The following SNX17 variants were observed in gnomAD, a reference collection of about 807,000 sequenced individuals.
The protein encoded by SNX17 is sorting nexin 17, also known as sorting nexin-17.
A neutral mutation model predicts 64.3 loss-of-function variants in SNX17; 35 were observed. The observed-to-expected ratio is 0.54, with a 90% CI of 0.42 to 0.72. The LOEUF (loss-of-function observed/expected upper bound fraction) is 0.72, where lower values mean the gene tolerates loss of function less well. Ranked by LOEUF, SNX17 falls within the 30% of genes least tolerant of loss-of-function variation. The probability of loss-of-function intolerance (pLI) is 0.00; values close to 1 mark genes in which losing one functional copy is unlikely to be tolerated. For missense variants in SNX17, 538 were observed against 610.0 expected (o/e 0.88, Z 1.24); for synonymous variants, 259 against 230.2 (o/e 1.13, Z -1.13).
chr2:27,375,300 G>C lies in SNX17; in HGVS notation c.774+147G>C. 1.1e-6 allele frequency: 1 copy of C among 898,862 alleles called. No individual in the cohort carries two copies. Among genetic ancestry groups the C allele is most frequent in the South Asian group, 1.6e-5 (1 of 62,510 alleles). The allele number at this position is 898,862 out of a possible 1,614,324, so 55.7% of individuals were successfully genotyped here. A position where few individuals can be genotyped will look rare whatever the true frequency, so the allele number is the denominator to read the frequency against. On this transcript the variant is annotated intron_variant, in intron 9 of 14. Transcript: ENST00000233575. The surrounding 1 kb of genome is among the most constrained non-coding windows in gnomAD (Gnocchi z 4.1). ...ACTACAGGCACCCGCCACGACGCCC[G>C]GCTAATTTTTTGTATTTTTGGGAGA...
chr2:27,374,161 A>T lies in SNX17; in HGVS notation c.509A>T (p.Asp170Val). 1 of 1,613,926 alleles carries T rather than the reference A, an allele frequency of 6.2e-7. No homozygotes were observed. The highest frequency in any genetic ancestry group is 8.5e-7 in the Non-Finnish European group (1 of 1,179,936). The change falls in exon 6 of 15, where the codon GAT (aspartate) becomes GTT (valine). Residue 170 changes from aspartate to valine, a missense_variant. This residue lies in a region of SNX17 where 505 missense variants were observed against 550.4 expected (regional missense o/e 0.92). Coordinates refer to ENST00000233575, the MANE Select transcript of SNX17 (RefSeq NM_014748.4). ...CTATTCTTAGTTCGAGAAAAAGAGG[A>T]TGGAGCCTTTTCTTGTGAGTTTCTC... ...FSLFLVREKE[D>V]GAFSFVRKLQ...
chr2:27,376,451 T>C lies in SNX17; in HGVS notation c.1258-28T>C, dbSNP rs756810276. 8 of 1,614,010 alleles carry C rather than the reference T, an allele frequency of 5.0e-6. No homozygotes were observed. In the African/African-American group the frequency reaches 1.1e-4, roughly 22 times the overall value. On this transcript the variant is annotated intron_variant, in intron 13 of 14. Transcript: ENST00000233575. The stretch of plus-strand genomic sequence containing the variant: ...CCTGCCTCACCTCTCCTAGTGAGTT[T>C]CTGACACCTCTGCCTCTTCTTCCCC...
chr2:27,373,080 G>A, intron 3 of SNX17, 167 bp from the exon 4 acceptor site: 1 of 1,554,742 alleles, frequency 6.4e-7, no homozygotes, highest in South Asian at 1.2e-5. Context: ...CCAAGGGTGG[G>A]GCAGGTGAAG....
chr2:27,375,492 T>C lies in SNX17; in HGVS notation c.775-14T>C. 1.2e-6 allele frequency: 2 copies of C among 1,613,972 alleles called. No homozygotes were observed. The highest frequency in any genetic ancestry group is 1.7e-6 in the Non-Finnish European group (2 of 1,180,014). On this transcript the variant is annotated splice_polypyrimidine_tract_variant and intron_variant, in intron 9 of 14. Coordinates refer to ENST00000233575, the MANE Select transcript of SNX17 (RefSeq NM_014748.4). This position sits in a 1 kb window ranked among gnomAD's most constrained non-coding sequence, Gnocchi z 4.1. ...TCCCTCCTAATCTACCCCCATGTGA[T>C]GACCATTTTTCAGTTCCTGAGACTG...
rs1447623863 is a variant in SNX17 at position 27,373,193 on chromosome 2, G to A, written c.257-54G>A. 15 of 1,612,004 alleles carry A rather than the reference G, an allele frequency of 9.3e-6. No individual in the cohort carries two copies. In the Admixed American group the frequency reaches 2.3e-4, roughly 25 times the overall value. On this transcript the variant is annotated intron_variant, in intron 3 of 14. Transcript: ENST00000233575. ...GGGGAACCTACTGAGAGGAGGACTG[G>A]GGAGCCAAGAGTGAGTGCTAAGTTC...
At chr2:27,370,919 C>A in intron 1 of SNX17, 113 bp downstream of exon 1, 2 of 1,174,538 alleles carry the variant, frequency 1.7e-6, no homozygotes, top group Non-Finnish European at 2.3e-6. Flanking sequence ...TGGTCCTGGG[C>A]CGCCGACTCC....
intron 2 of SNX17, among the ~76,000 whole-genome samples, chr2:27,372,170 C>T (rs1234362488): frequency 6.6e-6 from 1 of 152,222 alleles, no homozygotes; most frequent in Admixed American, 6.5e-5. Context: ...GGCATGAGGC[C>T]TGTAGAAACT....
chr2:27,371,198 TC>T, intron 1 of SNX17, 70 bp from the exon 2 acceptor site: 1 of 1,434,364 alleles, frequency 7.0e-7, no homozygotes, highest in East Asian at 2.3e-5. Context: ...CCAGGCAACT[TC>T]CGGCCAGGGT....
At position 27,371,341 on chromosome 2, in the gene SNX17, C is replaced by G; in HGVS notation, c.136C>G (p.Gln46Glu). The G allele has an allele frequency of 1.2e-6, 2 of 1,611,494 alleles. No individual in the cohort carries two copies. Among genetic ancestry groups the G allele is most frequent in the Non-Finnish European group, 1.7e-6 (2 of 1,179,658 alleles). ...CAGCCAGCTCCTGGGGCTGCACGAG[C>G]AGGTGGGACTAGCACCCCTGCCTTG... ...RYSQLLGLHE[Q>E]LRKEYGANVL... The change falls in exon 2 of 15, where the codon CAG becomes GAG. Residue 46 changes from glutamine to glutamate, a missense_variant and splice_region_variant. By Grantham distance (29) the Gln-to-Glu change is conservative. Transcript: ENST00000233575.
At position 27,375,760 on chromosome 2, in the gene SNX17, T is replaced by C. The variant is rs1195978770; in HGVS notation, c.978+51T>C. ...GCCTGGGTTGGGGGCCCGGCAAGCC[T>C]TGAGCTTAGGTATGGGCTGCAGCGG... On this transcript the variant is annotated intron_variant, in intron 10 of 14. Coordinates refer to ENST00000233575, the MANE Select transcript of SNX17 (RefSeq NM_014748.4). The surrounding 1 kb of genome is among the most constrained non-coding windows in gnomAD (Gnocchi z 4.1). The C allele has an allele frequency of 6.2e-7, 1 of 1,611,602 alleles. No individual in the cohort carries two copies. The highest frequency in any genetic ancestry group is 1.7e-5 in the Admixed American group (1 of 59,980).
At position 27,377,040 on chromosome 2, in the gene SNX17, C is replaced by T. The variant is rs1035653506; in HGVS notation, c.*321C>T. On this transcript the variant is annotated 3_prime_UTR_variant, in exon 15 of 15. Coordinates refer to ENST00000233575, the MANE Select transcript of SNX17 (RefSeq NM_014748.4). This position sits in a 1 kb window ranked among gnomAD's most constrained non-coding sequence, Gnocchi z 4.4. ...CTGGGCCGCTTCTGGCCTCTTGGAG[C>T]CATGGGCCAAAGGCCAAGGGGATGG... 6 of 418,028 alleles carry T rather than the reference C, an allele frequency of 1.4e-5. No individual in the cohort carries two copies. Among genetic ancestry groups the T allele is most frequent in the Non-Finnish European group, 2.2e-5 (5 of 225,180 alleles). The allele number at this position is 418,028 out of a possible 1,614,324, so 25.9% of individuals were successfully genotyped here.
rs142838367 is a variant in SNX17 at position 27,375,408 on chromosome 2, G to T, written c.775-98G>T. ...CTGCCTCTGCCTCCTAAAGTGCTGGGATTATAGGCATGAGCCACCGCGCCC... is the reference window on the plus strand; with the variant it reads ...CTGCCTCTGCCTCCTAAAGTGCTGGTATTATAGGCATGAGCCACCGCGCCC... On this transcript the variant is annotated intron_variant, in intron 9 of 14. Coordinates refer to ENST00000233575, the MANE Select transcript of SNX17 (RefSeq NM_014748.4). The surrounding 1 kb of genome is among the most constrained non-coding windows in gnomAD (Gnocchi z 4.1). 2 of 1,281,544 alleles carry T rather than the reference G, an allele frequency of 1.6e-6. No homozygotes were observed. The highest frequency in any genetic ancestry group is 1.9e-4 in the Middle Eastern group (1 of 5,404). 79.4% of individuals were successfully genotyped at this position (1,281,544 alleles called of 1,614,324 possible). A position where few individuals can be genotyped will look rare whatever the true frequency, so the allele number is the denominator to read the frequency against.
intron 2 of SNX17, among the ~76,000 whole-genome samples, chr2:27,372,125 C>T (rs977640883): frequency 6.6e-6 from 1 of 152,164 alleles, no homozygotes; most frequent in Non-Finnish European, 1.5e-5. Context: ...CTCAGGTGAT[C>T]CACCCACCTT....
At position 27,370,656 on chromosome 2, in the gene SNX17, G is replaced by A. The variant is rs1349516885; in HGVS notation, c.-88G>A. On this transcript the variant is annotated 5_prime_UTR_variant, in exon 1 of 15. Coordinates refer to ENST00000233575, the MANE Select transcript of SNX17 (RefSeq NM_014748.4). ...CTCCCAAAATGGCGAGTGAGGCTGC[G>A]GGGACTCGCTGAGCAGCGGAGGGGG... The A allele has an allele frequency of 2.0e-6, 3 of 1,471,652 alleles. No homozygotes were observed. Among genetic ancestry groups the A allele is most frequent in the Non-Finnish European group, 2.7e-6 (3 of 1,108,168 alleles). 91.2% of individuals were successfully genotyped at this position (1,471,652 alleles called of 1,614,324 possible).
rs1314658878 is a variant in SNX17 at position 27,377,343 on chromosome 2, G to A, written c.*624G>A. On this transcript the variant is annotated 3_prime_UTR_variant, in exon 15 of 15. Coordinates refer to ENST00000233575, the MANE Select transcript of SNX17 (RefSeq NM_014748.4). The surrounding 1 kb of genome is among the most constrained non-coding windows in gnomAD (Gnocchi z 4.4). ...TCCACAGCCCCTGGGGGCAGTGGAG[G>A]TGAATACAGGGCCCTTCTCACTGAG... is the stretch of plus-strand genomic sequence containing the variant. The A allele has an allele frequency of 2.8e-6, 2 of 707,234 alleles. No homozygotes were observed. Among genetic ancestry groups the A allele is most frequent in the East Asian group, 2.7e-5 (1 of 37,258 alleles). The allele number at this position is 707,234 out of a possible 1,614,324, so 43.8% of individuals were successfully genotyped here.
In SNX17 at chr2:27,377,320, C is replaced by T. The variant is rs575633762; in HGVS notation, c.*601C>T. The T allele has an allele frequency of 1.9e-4, 129 of 678,368 alleles. No homozygotes were observed. The highest frequency in any genetic ancestry group is 3.0e-4 in the Non-Finnish European group (114 of 373,900). The allele number at this position is 678,368 out of a possible 1,614,324, so 42.0% of individuals were successfully genotyped here. On this transcript the variant is annotated 3_prime_UTR_variant, in exon 15 of 15. Coordinates refer to ENST00000233575, the MANE Select transcript of SNX17 (RefSeq NM_014748.4). This position sits in a 1 kb window ranked among gnomAD's most constrained non-coding sequence, Gnocchi z 4.4. ...TGGGCAGTCCCCCAGCCGGTTTGTC[C>T]ACAGCCCCTGGGGGCAGTGGAGGTG...
chr2:27,371,005 C>T (rs1224367133), intron 1 of SNX17, among the ~76,000 whole-genome samples, 199 bp downstream of exon 1: 2 of 152,262 alleles, frequency 1.3e-5, no homozygotes, highest in Non-Finnish European at 2.9e-5. Flanking sequence ...GGCCCTTAGG[C>T]CGGGTCGCTT....
chr2:27,376,747 A>C lies in SNX17; in HGVS notation c.*28A>C. The stretch of plus-strand genomic sequence containing the variant: ...TCCACTGCTTGGATGTCTGCCCTCT[A>C]CCCCAGAGGAATTTACAGAAACTTG... On this transcript the variant is annotated 3_prime_UTR_variant, in exon 15 of 15. Transcript: ENST00000233575. The C allele has an allele frequency of 6.3e-7, 1 of 1,582,774 alleles. No individual in the cohort carries two copies. The highest frequency in any genetic ancestry group is 8.7e-7 in the Non-Finnish European group (1 of 1,152,752).
rs1174082349 is a variant in SNX17, at chr2:27,374,704, C to T, written c.627C>T (p.Ala209=). ...GGCCTCACAGTTATTGGGACTCTGCCTATGATGACGATGTCATGGAGAACC... is the reference window on the plus strand; with the variant it reads ...GGCCTCACAGTTATTGGGACTCTGCTTATGATGACGATGTCATGGAGAACC... ...IVLRKSYWDS[A]YDDDVMENRV... is the part of the protein sequence containing the mutation. The change falls in exon 8 of 15, where the codon GCC becomes GCT. Residue 209 remains alanine, a synonymous_variant. Coordinates refer to ENST00000233575, the MANE Select transcript of SNX17 (RefSeq NM_014748.4). The T allele has an allele frequency of 2.5e-6, 4 of 1,614,104 alleles. No individual in the cohort carries two copies. The highest frequency in any genetic ancestry group is 3.4e-6 in the Non-Finnish European group (4 of 1,180,006).
Sources: allele counts gnomAD v4.1 joint callset (sites outside exome capture counted in the v4.1 genomes callset), GRCh38; gene constraint gnomAD v4.1.1; regional missense constraint gnomAD v4.1.1; non-coding constraint Gnocchi (gnomAD v3.1); transcripts MANE v1.5; gene names NCBI Gene and HGNC (gene_info 2026-07-23, HGNC 2026-07-21).